The following DENND4A variants were observed in gnomAD, a reference collection of about 807,000 sequenced individuals.
DENND4A encodes DENN domain containing 4A.
Under a neutral mutation model 199.3 loss-of-function variants are expected in DENND4A, and 70 were observed. That is an observed-to-expected ratio of 0.35 (90% confidence interval 0.29 to 0.43). DENND4A has a LOEUF of 0.43. Ranked by LOEUF, DENND4A falls within the 20% of genes least tolerant of loss-of-function variation. The probability of loss-of-function intolerance (pLI) is 1.00; values close to 1 mark genes in which losing one functional copy is unlikely to be tolerated. For synonymous variants in DENND4A, 686 were observed against 766.9 expected, an observed-to-expected ratio of 0.89 and a Z score of 1.74; for missense variants, 1,723 against 2,255.8, an observed-to-expected ratio of 0.76 and a Z score of 4.78.
intron 1 of DENND4A, among the ~76,000 whole-genome samples, chr15:65,790,786 C>A (rs1047737483): frequency 6.6e-6 from 1 of 152,150 alleles, no homozygotes; most frequent in African/African-American, 2.4e-5. Flanking sequence ...AATCCCAGAA[C>A]CGCTATCAAC....
chr15:65,701,333 G>GCA, intron 18 of DENND4A, 141 bp from the exon 19 acceptor site: 1 of 669,208 alleles, frequency 1.5e-6, no homozygotes. Flanking sequence ...TTGGGAGGCT[G>GCA]AGGCAGGTGG....
At chr15:65,735,598 T>C (rs1396239178) in intron 7 of DENND4A, among the ~76,000 whole-genome samples, 2 of 152,202 alleles carry the variant, frequency 1.3e-5, no homozygotes, top group Non-Finnish European at 2.9e-5. Context: ...ATATTGGCAG[T>C]AAATATTACT....
At chr15:65,664,764 G>A (rs1481332331) in intron 30 of DENND4A, 42 bp from the exon 31 acceptor site, 1 of 1,511,240 alleles carries the variant, frequency 6.6e-7, no homozygotes. Flanking sequence ...AATGTTCTGT[G>A]TAGAAAGGAG....
chr15:65,756,430 A>C lies in DENND4A; in HGVS notation c.21T>G (p.Pro7=), dbSNP rs750664966. Residue 7 remains proline (P), a synonymous_variant, in exon 3 of 33, where the codon CCT becomes CCG. Coordinates refer to ENST00000443035, the MANE Select transcript of DENND4A (RefSeq NM_001320835.1). The part of the protein sequence containing the change: MIEDKG[P]RVADYFVVAG... The stretch of plus-strand genomic sequence containing the variant: ...CTACAACAAAGTAGTCAGCAACACG[A>C]GGCCCCTTGTCTTCAATCATCTTCC... 19 of 1,609,632 alleles carry C rather than the reference A, an allele frequency of 1.2e-5. No homozygotes were observed. The highest frequency in any genetic ancestry group is 1.4e-5 in the Non-Finnish European group (17 of 1,178,282).
intron 1 of DENND4A, among the ~76,000 whole-genome samples, chr15:65,787,757 A>C (rs1250039425): frequency 6.6e-6 from 1 of 152,250 alleles, no homozygotes; most frequent in Non-Finnish European, 1.5e-5. Context: ...AAAGCAGAGT[A>C]CACAATATGT....
intron 16 of DENND4A, among the ~76,000 whole-genome samples, 172 bp from the exon 17 acceptor site, chr15:65,702,683 A>G (rs1418712643): frequency 1.3e-5 from 2 of 152,242 alleles, no homozygotes; most frequent in African/African-American, 4.8e-5. Flanking sequence ...ACAGCATATA[A>G]AATAAAGTTC....
At chr15:65,665,527 A>C in intron 29 of DENND4A, 65 bp from the exon 30 acceptor site, 1 of 1,225,364 alleles carries the variant, frequency 8.2e-7, no homozygotes, top group South Asian at 1.7e-5. Context: ...GTATTTTATA[A>C]AATTCTTATA....
In DENND4A at chr15:65,752,629, C is replaced by CTAAAAATAAATTTT; in HGVS notation, c.312-15_312-2dup. The CTAAAAATAAATTTT allele has an allele frequency of 6.7e-7, 1 of 1,485,214 alleles. No individual in the cohort carries two copies. Among genetic ancestry groups the CTAAAAATAAATTTT allele is most frequent in the South Asian group, 1.3e-5 (1 of 77,462 alleles). 92.0% of individuals were successfully genotyped at this position (1,485,214 alleles called of 1,614,324 possible). A position where few individuals can be genotyped will look rare whatever the true frequency, so the allele number is the denominator to read the frequency against. On this transcript the variant is annotated splice_acceptor_variant, in intron 3 of 32. Coordinates refer to ENST00000443035, the MANE Select transcript of DENND4A (RefSeq NM_001320835.1). LOFTEE classifies it high-confidence loss of function. ...TCTTTCTTTCCAGTCATATAAAACC[C>CTAAAAATAAATTTT]TAAAAATAAATTTTTAAAAATAAAT...
intron 18 of DENND4A, among the ~76,000 whole-genome samples, chr15:65,701,429 T>G (rs879716018): frequency 3.9e-5 from 6 of 152,050 alleles, no homozygotes; most frequent in Admixed American, 3.9e-4. Context: ...TAGCCAGGCA[T>G]GGTGGCACAT....
At chr15:65,675,932 T>C (rs2141931106) in intron 24 of DENND4A, among the ~76,000 whole-genome samples, 1 of 152,072 alleles carries the variant, frequency 6.6e-6, no homozygotes, top group Middle Eastern at 3.4e-3. Context: ...CATCCATTAA[T>C]AGGGAAGTCG....
At chr15:65,730,192 A>T (rs1382991347) in intron 9 of DENND4A, among the ~76,000 whole-genome samples, 1 of 152,114 alleles carries the variant, frequency 6.6e-6, no homozygotes, top group Non-Finnish European at 1.5e-5. Flanking sequence ...AGTAATAGGA[A>T]ATCAAGAGGT....
intron 1 of DENND4A, among the ~76,000 whole-genome samples, chr15:65,789,602 AGTCTCT>A (rs2077660998): frequency 6.6e-6 from 1 of 152,142 alleles, no homozygotes; most frequent in Non-Finnish European, 1.5e-5. Context: ...CACAAAGATA[AGTCTCT>A]GACATCAGAG....
At chr15:65,757,267 G>A (rs370660755) in intron 2 of DENND4A, among the ~76,000 whole-genome samples, 14 of 148,668 alleles carry the variant, frequency 9.4e-5, no homozygotes, top group African/African-American at 2.5e-4. Context: ...TGAGATGGGG[G>A]GGGGGGGGTC....
chr15:65,722,577 G>A (rs2140320528), intron 12 of DENND4A, among the ~76,000 whole-genome samples: 1 of 151,606 alleles, frequency 6.6e-6, no homozygotes, highest in South Asian at 2.1e-4. Context: ...ATTATTTTAA[G>A]ATGGTTCTAT....
chr15:65,713,979 T>C, intron 14 of DENND4A, among the ~76,000 whole-genome samples: 1 of 152,282 alleles, frequency 6.6e-6, no homozygotes, highest in East Asian at 1.9e-4. Flanking sequence ...ACACATATAC[T>C]TACATCTACA....
intron 14 of DENND4A, among the ~76,000 whole-genome samples, chr15:65,709,992 C>T (rs540446394): frequency 1.7e-4 from 26 of 151,734 alleles, no homozygotes; most frequent in African/African-American, 5.1e-4. Flanking sequence ...TTTTCTTTTT[C>T]GAGACTTCTC....
intron 25 of DENND4A, 55 bp from the exon 26 acceptor site, chr15:65,670,243 T>C: frequency 7.5e-7 from 1 of 1,338,844 alleles, no homozygotes; most frequent in East Asian, 2.6e-5. Flanking sequence ...GATTATGAAT[T>C]AAAAACCATT....
intron 1 of DENND4A, among the ~76,000 whole-genome samples, chr15:65,769,146 C>T (rs55678580): frequency 0.22 from 32,634 of 150,962 alleles, 4,054 homozygotes; most frequent in African/African-American, 0.34. Context: ...CATATAAAAA[C>T]GCATAGATTT....
At chr15:65,729,488 T>A in intron 10 of DENND4A, 46 bp downstream of exon 10, 1 of 1,555,560 alleles carries the variant, frequency 6.4e-7, no homozygotes, top group Non-Finnish European at 8.7e-7. Context: ...ATAAATAAAC[T>A]AAGTTTAAAC....
Sources: gnomAD v4.1 joint callset for allele counts (sites outside exome capture counted in the v4.1 genomes callset) on GRCh38, gnomAD v4.1.1 for gene constraint, MANE v1.5 for transcripts, NCBI Gene and HGNC (gene_info 2026-07-23, HGNC 2026-07-21) for gene names.